CRYBG1: variants seen among roughly 807,000 people sequenced by gnomAD.
The protein encoded by CRYBG1 is crystallin beta-gamma domain containing 1.
A neutral mutation model predicts 189.2 loss-of-function variants in CRYBG1; 139 were observed. The ratio of observed to expected loss-of-function variants is 0.73; its 90% CI spans 0.64 to 0.85. The LOEUF is 0.85. Ranked by LOEUF, CRYBG1 falls within the 40% of genes least tolerant of loss-of-function variation. The pLI, the probability that CRYBG1 is intolerant of heterozygous loss-of-function variation, is 0.00. For synonymous variants in CRYBG1, 1,023 were observed against 1,017.1 expected (o/e 1.01, Z -0.11); for missense variants, 2,611 against 2,675.8 (o/e 0.98, Z 0.53).
chr6:106,507,241 C>T (rs1773151421), intron 2 of CRYBG1, among the ~76,000 whole-genome samples: 1 of 152,222 alleles, frequency 6.6e-6, no homozygotes, highest in Non-Finnish European at 1.5e-5. Context: ...GCACACAACC[C>T]ATGTGCCACC....
chr6:106,555,982 C>G, intron 17 of CRYBG1, 85 bp downstream of exon 17: 1 of 1,499,548 alleles, frequency 6.7e-7, no homozygotes, highest in Non-Finnish European at 9.2e-7. Flanking sequence ...CCGGTAGAAC[C>G]TGCTCTTAAA....
chr6:106,503,727 G>A (rs1012651711), intron 2 of CRYBG1, among the ~76,000 whole-genome samples: 9 of 152,004 alleles, frequency 5.9e-5, no homozygotes, highest in Non-Finnish European at 2.9e-5. Context: ...ATCATGTGTC[G>A]ATGGCTTGAA....
intron 17 of CRYBG1, among the ~76,000 whole-genome samples, chr6:106,557,737 A>G (rs1182539476): frequency 6.6e-6 from 1 of 152,172 alleles, no homozygotes; most frequent in East Asian, 1.9e-4. Context: ...CCGGCCTCCC[A>G]CATGCTTTTT....
chr6:106,420,322 C>T lies in CRYBG1; in HGVS notation c.174-31372C>T, dbSNP rs191307451. ...AAAGAGAGGGTCATAAGGCAGATGG[C>T]TACGTTCTTGCAGGCTCTGATCAGT... On this transcript the variant is annotated intron_variant, in intron 1 of 21. Transcript: ENST00000633556. Among the ~76,000 whole-genome samples, 282 of 152,274 alleles carry T rather than the reference C, an allele frequency of 1.9e-3. 1 individual carries two copies. The highest frequency in any genetic ancestry group is 3.4e-3 in the Middle Eastern group (1 of 294).
chr6:106,525,869 G>A (rs529107084), intron 6 of CRYBG1, among the ~76,000 whole-genome samples: 55 of 152,144 alleles, frequency 3.6e-4, no homozygotes, highest in African/African-American at 1.3e-3. Flanking sequence ...ATAAAGAAAG[G>A]CATTTTTCTA....
chr6:106,561,199 A>T, intron 19 of CRYBG1, 143 bp from the exon 20 acceptor site: 1 of 1,038,620 alleles, frequency 9.6e-7, no homozygotes, highest in Non-Finnish European at 1.4e-6. Context: ...TCTCATTGAG[A>T]AAATTTAAAA....
intron 1 of CRYBG1, among the ~76,000 whole-genome samples, chr6:106,439,290 C>T (rs1413152762): frequency 6.6e-6 from 1 of 151,942 alleles, no homozygotes; most frequent in Non-Finnish European, 1.5e-5. Context: ...TAATTATCTC[C>T]TTTTTAATTT....
At chr6:106,441,915 GA>G (rs752434961) in intron 1 of CRYBG1, among the ~76,000 whole-genome samples, 9 of 152,076 alleles carry the variant, frequency 5.9e-5, no homozygotes, top group Non-Finnish European at 1.2e-4. Context: ...TATTGAAAAT[GA>G]TTTTTTTAGT....
At chr6:106,438,076 AT>A (rs5878889) in intron 1 of CRYBG1, among the ~76,000 whole-genome samples, 3,838 of 152,154 alleles carry the variant, frequency 0.025, 128 homozygotes, top group African/African-American at 0.077. Flanking sequence ...CTTTTTATTT[AT>A]CTTTCTTCCT....
chr6:106,484,321 T>A (rs1029576315), intron 2 of CRYBG1, among the ~76,000 whole-genome samples: 1 of 152,114 alleles, frequency 6.6e-6, no homozygotes, highest in African/African-American at 2.4e-5. Flanking sequence ...AGAGGCAAGG[T>A]GTCACTTTGC....
At chr6:106,482,548 G>C (rs1772488862) in intron 2 of CRYBG1, among the ~76,000 whole-genome samples, 2 of 152,092 alleles carry the variant, frequency 1.3e-5, no homozygotes, top group Admixed American at 1.3e-4. Context: ...GGCCGAGGGG[G>C]GTGAATCACA....
intron 12 of CRYBG1, 28 bp from the exon 13 acceptor site, chr6:106,544,760 T>C (rs372153431): frequency 6.2e-7 from 1 of 1,602,622 alleles, no homozygotes; most frequent in African/African-American, 1.4e-5. Flanking sequence ...TGGCTAGCCT[T>C]TGAATTTTGA....
intron 1 of CRYBG1, chr6:106,420,940 G>A (rs1771111143): frequency 6.6e-6 from 1 of 152,450 alleles, no homozygotes; most frequent in African/African-American, 2.4e-5. Flanking sequence ...AGGAGTCAGG[G>A]TAAGAGTGAA....
At chr6:106,502,067 C>T (rs911631352) in intron 2 of CRYBG1, among the ~76,000 whole-genome samples, 3 of 152,150 alleles carry the variant, frequency 2.0e-5, no homozygotes, top group Admixed American at 6.5e-5. Context: ...TTGGCTGTAG[C>T]TGTGCCTGGT....
chr6:106,390,856 T>C (rs1770485474), intron 1 of CRYBG1, among the ~76,000 whole-genome samples: 1 of 152,206 alleles, frequency 6.6e-6, no homozygotes, highest in Non-Finnish European at 1.5e-5. Flanking sequence ...ACTACAGCAT[T>C]ATGAGAAAAG....
intron 21 of CRYBG1, among the ~76,000 whole-genome samples, chr6:106,567,722 C>T (rs1774932967): frequency 6.6e-6 from 1 of 152,144 alleles, no homozygotes; most frequent in East Asian, 1.9e-4. Context: ...AATGATACTT[C>T]TCCAAAGAAA....
In CRYBG1 at chr6:106,520,097, C is replaced by T. The variant is rs146432733; in HGVS notation, c.2889C>T (p.Pro963=). 40 of 1,614,102 alleles carry T rather than the reference C, an allele frequency of 2.5e-5. No individual in the cohort carries two copies. The highest frequency in any genetic ancestry group is 4.5e-5 in the East Asian group (2 of 44,874). The change falls in exon 4 of 22, where the codon CCC becomes CCT. Residue 963 remains proline, a synonymous_variant. Transcript: ENST00000633556. ...VLVQVRSFVL[P]VESTQDVSSQ... Reference sequence around the variant, plus strand: ...TCCAGGTCAGGTCCTTCGTGCTCCCCGTGGAGAGCACCCAGGATGTGAGCT... The same window carrying T: ...TCCAGGTCAGGTCCTTCGTGCTCCCTGTGGAGAGCACCCAGGATGTGAGCT...
At chr6:106,452,004 T>C (rs1282657809) in intron 2 of CRYBG1, among the ~76,000 whole-genome samples, 172 bp downstream of exon 2, 1 of 148,182 alleles carries the variant, frequency 6.7e-6, no homozygotes, top group African/African-American at 2.4e-5. Flanking sequence ...ATTCTGTAAT[T>C]TTCTATATAA....
intron 3 of CRYBG1, among the ~76,000 whole-genome samples, chr6:106,515,761 A>G (rs1582810422): frequency 1.6e-5 from 1 of 61,656 alleles, no homozygotes; most frequent in Non-Finnish European, 3.6e-5. Context: ...GATCAAATTT[A>G]TTTATTTATT....
Sources: gnomAD v4.1 joint callset for allele counts (sites outside exome capture counted in the v4.1 genomes callset) on GRCh38, gnomAD v4.1.1 for gene constraint, MANE v1.5 for transcripts, NCBI Gene and HGNC (gene_info 2026-07-23, HGNC 2026-07-21) for gene names.